Variants in MALL observed in about 807,000 individuals in gnomAD.
The protein encoded by MALL is MAL-like protein.
Under a neutral mutation model 10.3 loss-of-function variants are expected in MALL, and 2 were observed. That is an observed-to-expected ratio of 0.19 (90% confidence interval 0.08 to 0.61). The LOEUF (loss-of-function observed/expected upper bound fraction) is 0.61, where lower values mean the gene tolerates loss of function less well. Among genes scored for constraint, MALL ranks in the 20% least tolerant of loss-of-function variants. The pLI is 0.88. For missense variants in MALL, 39 were observed against 115.2 expected (o/e 0.34, Z 3.03); for synonymous variants, 27 against 51.8 (o/e 0.52, Z 2.05).
At chr2:110,114,234 G>A (rs774658068) in intron 1 of MALL, among the ~76,000 whole-genome samples, 43 of 152,020 alleles carry the variant, frequency 2.8e-4, no homozygotes, top group Non-Finnish European at 5.7e-4. Context: ...TTGGTGGCAG[G>A]CCTGGACCCC....
At chr2:110,109,650 C>T (rs1678760335) in intron 1 of MALL, among the ~76,000 whole-genome samples, 1 of 152,070 alleles carries the variant, frequency 6.6e-6, no homozygotes, top group South Asian at 2.1e-4. Context: ...GCCATCATGA[C>T]AGAAAGTCAA....
intron 1 of MALL, 33 bp downstream of exon 1, chr2:110,115,655 G>A: frequency 8.4e-7 from 1 of 1,189,300 alleles, no homozygotes. Flanking sequence ...CTCCCTCTCT[G>A]CAGGTGGCCC....
At chr2:110,112,536 C>CACATTGAA (rs1379202924) in intron 1 of MALL, among the ~76,000 whole-genome samples, 1 of 151,896 alleles carries the variant, frequency 6.6e-6, no homozygotes. Flanking sequence ...ATTGTGAAAC[C>CACATTGAA]ACCTTACTCC....
chr2:110,108,746 A>C (rs1002352458), intron 1 of MALL, among the ~76,000 whole-genome samples: 7 of 152,208 alleles, frequency 4.6e-5, no homozygotes, highest in Non-Finnish European at 1.0e-4. Flanking sequence ...TCATCAGGTT[A>C]TCCAAAGTTA....
At chr2:110,096,571 G>T (rs569931869) in intron 1 of MALL, among the ~76,000 whole-genome samples, 38 of 152,138 alleles carry the variant, frequency 2.5e-4, no homozygotes, top group African/African-American at 8.9e-4. Flanking sequence ...TCCAAGAGAG[G>T]CCTCTCTAAA....
intron 1 of MALL, among the ~76,000 whole-genome samples, chr2:110,109,004 C>T (rs534031871): frequency 1.3e-3 from 195 of 152,236 alleles, no homozygotes; most frequent in African/African-American, 4.6e-3. Flanking sequence ...GAGAATTTGC[C>T]ATTACCAAAA....
rs1462963037 is a variant in MALL at position 110,098,864 on chromosome 2, C to T, written c.106-7094G>A. Among the ~76,000 whole-genome samples, 5 of 152,056 alleles carry T rather than the reference C, an allele frequency of 3.3e-5. No individual in the cohort carries two copies. The South Asian group carries it at 6.2e-4, about 19-fold the overall frequency. ...AAAAAATACAAACATTAGCCAGACACGGTGGCACATGCCTGTAGTCTCAGC... is the reference window on the plus strand; with the variant it reads ...AAAAAATACAAACATTAGCCAGACATGGTGGCACATGCCTGTAGTCTCAGC... On this transcript the variant is annotated intron_variant, in intron 1 of 3. Coordinates refer to ENST00000272462, the MANE Select transcript of MALL (RefSeq NM_005434.5).
At chr2:110,112,455 T>C (rs1413740741) in intron 1 of MALL, among the ~76,000 whole-genome samples, 1 of 151,800 alleles carries the variant, frequency 6.6e-6, no homozygotes, top group Non-Finnish European at 1.5e-5. Flanking sequence ...AAAGAAGATA[T>C]ACAAATGGCC....
Position 110,113,871 on chromosome 2 carries a change from C to T in MALL, c.105+1817G>A, listed in dbSNP as rs552727274. ...GCAGCTGAGGGAAGAGTACACAGAA[C>T]TTTCTCTACTATTATTGCAGCTTTA... On this transcript the variant is annotated intron_variant, in intron 1 of 3. Transcript: ENST00000272462. 3.3e-5 allele frequency among the ~76,000 whole-genome samples: 5 copies of T among 152,292 alleles called. No individual in the cohort carries two copies. The South Asian group carries it at 1.0e-3, about 32-fold the overall frequency.
intron 1 of MALL, among the ~76,000 whole-genome samples, chr2:110,110,263 G>A (rs1200222943): frequency 6.6e-6 from 1 of 151,930 alleles, no homozygotes; most frequent in African/African-American, 2.4e-5. Context: ...ACCCATGAAA[G>A]ATAAATGAAA....
chr2:110,102,418 G>A (rs987170558), intron 1 of MALL, among the ~76,000 whole-genome samples: 1 of 152,140 alleles, frequency 6.6e-6, no homozygotes, highest in Non-Finnish European at 1.5e-5. Context: ...GCTCCTGGAG[G>A]CAGGACTGTG....
chr2:110,111,432 A>G (rs1259395025), intron 1 of MALL, among the ~76,000 whole-genome samples: 5 of 152,162 alleles, frequency 3.3e-5, no homozygotes, highest in Non-Finnish European at 5.9e-5. Flanking sequence ...AACAGCGACC[A>G]AGCAGAGAAT....
chr2:110,115,675 G>A lies in MALL; in HGVS notation c.105+13C>T. The stretch of plus-strand genomic sequence containing the variant: ...TCTCTGCAGGTGGCCCGGGTCGGGG[G>A]TGCCGCACTCACCAGCTCGGGCAGG... On this transcript the variant is annotated intron_variant, in intron 1 of 3. Coordinates refer to ENST00000272462, the MANE Select transcript of MALL (RefSeq NM_005434.5). 7.9e-7 allele frequency: 1 copy of A among 1,264,904 alleles called. No homozygotes were observed. Among genetic ancestry groups the A allele is most frequent in the Non-Finnish European group, 1.0e-6 (1 of 996,364 alleles). 78.4% of individuals were successfully genotyped at this position (1,264,904 alleles called of 1,614,324 possible).
chr2:110,115,089 T>C (rs1678878947), intron 1 of MALL, among the ~76,000 whole-genome samples: 2 of 152,072 alleles, frequency 1.3e-5, no homozygotes. Context: ...GACTGTTTTA[T>C]GGCAGATGTT....
At chr2:110,112,696 G>T (rs1269198641) in intron 1 of MALL, among the ~76,000 whole-genome samples, 1 of 151,912 alleles carries the variant, frequency 6.6e-6, no homozygotes, top group African/African-American at 2.4e-5. Context: ...AGAACTAAAA[G>T]TAGAACTACC....
At chr2:110,114,504 G>A (rs552906170) in intron 1 of MALL, among the ~76,000 whole-genome samples, 62 of 151,916 alleles carry the variant, frequency 4.1e-4, no homozygotes, top group African/African-American at 1.4e-3. Context: ...ATCAGAGCAC[G>A]GTTATGTCAT....
At chr2:110,099,708 G>A (rs541424824) in intron 1 of MALL, among the ~76,000 whole-genome samples, 4 of 152,228 alleles carry the variant, frequency 2.6e-5, no homozygotes, top group African/African-American at 7.2e-5. Flanking sequence ...CCTGGTCAAC[G>A]AGACAGAGGG....
Position 110,104,507 on chromosome 2 carries a change from C to T in MALL, c.105+11181G>A, listed in dbSNP as rs117802391. On this transcript the variant is annotated intron_variant, in intron 1 of 3. Coordinates refer to ENST00000272462, the MANE Select transcript of MALL (RefSeq NM_005434.5). ...TGGCAGAGAGAGAGTAGGTGCTCAG[C>T]TTGAATGAATACTTGGAATTTAAGT... Among the ~76,000 whole-genome samples the T allele has an allele frequency of 7.7e-3, 1,169 of 152,206 alleles. 27 individuals carry two copies. The highest frequency in any genetic ancestry group is 0.045 in the South Asian group (218 of 4,814).
rs1172073967 is a variant in MALL at position 110,115,730 on chromosome 2, C to G, written c.63G>C (p.Ala21=). The change falls in exon 1 of 4, where the codon GCG becomes GCC. Residue 21 remains alanine (A), a synonymous_variant. Transcript: ENST00000272462. ...YAPSDVPSGV[A]LFLTIPFAFF... is the part of the protein sequence containing the mutation. The stretch of plus-strand genomic sequence containing the variant: ...AGGCGAAAGGGATGGTGAGGAACAG[C>G]GCGACCCCCGAGGGCACGTCGGACG... 2 of 1,291,998 alleles carry G rather than the reference C, an allele frequency of 1.5e-6. No homozygotes were observed. 80.0% of individuals were successfully genotyped at this position (1,291,998 alleles called of 1,614,324 possible).
Sources: allele counts gnomAD v4.1 joint callset (sites outside exome capture counted in the v4.1 genomes callset), GRCh38; gene constraint gnomAD v4.1.1; transcripts MANE v1.5; gene names NCBI Gene and HGNC (gene_info 2026-07-23, HGNC 2026-07-21).